Variants in SLC38A3 observed in about 807,000 individuals in gnomAD.
SLC38A3 encodes solute carrier family 38 member 3, also known as sodium-coupled neutral amino acid transporter 3.
SLC38A3 carries 17 observed loss-of-function variants against 59.5 expected under a neutral mutation model. That is an observed-to-expected ratio of 0.29 (90% confidence interval 0.20 to 0.43). SLC38A3 has a LOEUF of 0.43. Ranked by LOEUF, SLC38A3 falls within the 20% of genes least tolerant of loss-of-function variation. The probability of loss-of-function intolerance (pLI) is 1.00; values close to 1 mark genes in which losing one functional copy is unlikely to be tolerated. For synonymous variants in SLC38A3, 238 were observed against 260.3 expected (o/e 0.91, Z 0.82); for missense variants, 454 against 653.9 (o/e 0.69, Z 3.33).
At chr3:50,206,070 C>T (rs1405514345) in intron 1 of SLC38A3, among the ~76,000 whole-genome samples, 6 of 152,250 alleles carry the variant, frequency 3.9e-5, no homozygotes, top group African/African-American at 1.4e-4. Flanking sequence ...GCGCAGCGCA[C>T]GGCGGAGAGA....
chr3:50,218,111 G>C lies in SLC38A3; in HGVS notation c.935+115G>C. 8.7e-7 allele frequency: 1 copy of C among 1,151,902 alleles called. No homozygotes were observed. The highest frequency in any genetic ancestry group is 1.3e-6 in the Non-Finnish European group (1 of 778,042). The allele number at this position is 1,151,902 out of a possible 1,614,324, so 71.4% of individuals were successfully genotyped here. A position where few individuals can be genotyped will look rare whatever the true frequency, so the allele number is the denominator to read the frequency against. ...ACAGGAGCCAAGTCACTTTATCTGAGATGTCCTTGGCAGCCATGAGAGGTG... is the reference window on the plus strand; with the variant it reads ...ACAGGAGCCAAGTCACTTTATCTGACATGTCCTTGGCAGCCATGAGAGGTG... On this transcript the variant is annotated intron_variant, in intron 11 of 15. Transcript: ENST00000614032. This position sits in a 1 kb window ranked among gnomAD's most constrained non-coding sequence, Gnocchi z 5.8.
chr3:50,217,390 T>C lies in SLC38A3; in HGVS notation c.632-25T>C. On this transcript the variant is annotated intron_variant, in intron 8 of 15. Transcript: ENST00000614032. This position sits in a 1 kb window ranked among gnomAD's most constrained non-coding sequence, Gnocchi z 4.9. ...TACACCATGGGAGGGGCCCCAGGTCTCAGAGTGCTCCCTCCACTTTGCAGG... is the reference window on the plus strand; with the variant it reads ...TACACCATGGGAGGGGCCCCAGGTCCCAGAGTGCTCCCTCCACTTTGCAGG... 1 of 1,612,540 alleles carries C rather than the reference T, an allele frequency of 6.2e-7. No individual in the cohort carries two copies. Among genetic ancestry groups the C allele is most frequent in the Non-Finnish European group, 8.5e-7 (1 of 1,179,232 alleles).
In SLC38A3 at chr3:50,219,961, G is replaced by C; in HGVS notation, c.1387G>C (p.Ala463Pro). 1.2e-6 allele frequency: 2 copies of C among 1,612,630 alleles called. No individual in the cohort carries two copies. Among genetic ancestry groups the C allele is most frequent in the Non-Finnish European group, 1.7e-6 (2 of 1,179,356 alleles). Residue 463 changes from alanine (A) to proline (P), a missense_variant, in exon 15 of 16, where the codon GCA becomes CCA. Around this residue, in one of 3 missense-constraint regions of SLC38A3, gnomAD observed 59 missense variants for 70.8 expected, o/e 0.83. Transcript: ENST00000614032. ...FRIMPTEKEP[A>P]RSTPKILALC... ...AATCATGCCCACGGAGAAGGAGCCT[G>C]CAAGATCCACCCCCAAAATCCTGGT... is the stretch of plus-strand genomic sequence containing the variant.
intron 1 of SLC38A3, chr3:50,207,418 A>G (rs1173156090): frequency 6.6e-6 from 1 of 152,162 alleles, no homozygotes; most frequent in Non-Finnish European, 1.5e-5. Flanking sequence ...AGGCCCAAGC[A>G]ATTCTCCCAC....
rs1300068458 is a variant in SLC38A3 at position 50,220,305 on chromosome 3, C to A, written c.*128C>A. ...ATTAACACTGTGGCATTCAGCCAGG[C>A]CCCATGTCCTCTCTGTGGAAGGTTT... On this transcript the variant is annotated 3_prime_UTR_variant, in exon 16 of 16. Transcript: ENST00000614032. 1 of 723,970 alleles carries A rather than the reference C, an allele frequency of 1.4e-6. No individual in the cohort carries two copies. The highest frequency in any genetic ancestry group is 2.3e-6 in the Non-Finnish European group (1 of 428,420). 44.8% of individuals were successfully genotyped at this position (723,970 alleles called of 1,614,324 possible).
rs746330651 is a variant in SLC38A3, at chr3:50,217,013, TCCAC to T, written c.549-219_549-216del. Among the ~76,000 whole-genome samples the T allele has an allele frequency of 7.2e-5, 11 of 152,126 alleles. No individual in the cohort carries two copies. The highest frequency in any genetic ancestry group is 1.6e-4 in the Non-Finnish European group (11 of 68,022). The stretch of plus-strand genomic sequence containing the variant: ...TGGTCTCGAACTCCTGACCTGATGA[TCCAC>T]CCACCTCAGCCTCCCAAAGTGCTGG... On this transcript the variant is annotated intron_variant, in intron 7 of 15. Coordinates refer to ENST00000614032, the MANE Select transcript of SLC38A3 (RefSeq NM_006841.6). This position sits in a 1 kb window ranked among gnomAD's most constrained non-coding sequence, Gnocchi z 4.9.
chr3:50,217,952 C>A lies in SLC38A3; in HGVS notation c.891C>A (p.Phe297Leu). The change falls in exon 11 of 16, where the codon TTC becomes TTA. Residue 297 changes from phenylalanine (F) to leucine (L), a missense_variant. Coordinates refer to ENST00000614032, the MANE Select transcript of SLC38A3 (RefSeq NM_006841.6). The surrounding 1 kb of genome is among the most constrained non-coding windows in gnomAD (Gnocchi z 4.9). ...CCATCCCCATCATGGCCTTCGCCTT[C>A]GTCTGCCACCCCGAGGTGCTGCCCA... ...AYTIPIMAFA[F>L]VCHPEVLPIY... The A allele has an allele frequency of 3.7e-6, 6 of 1,614,010 alleles. No individual in the cohort carries two copies. The highest frequency in any genetic ancestry group is 5.1e-6 in the Non-Finnish European group (6 of 1,179,888).
chr3:50,209,763 A>T (rs956100094), intron 1 of SLC38A3, among the ~76,000 whole-genome samples: 18 of 152,270 alleles, frequency 1.2e-4, no homozygotes, highest in African/African-American at 4.3e-4. Context: ...CCCAGAACAC[A>T]GAGCCACAGA....
chr3:50,215,159 C>T lies in SLC38A3; in HGVS notation c.300-227C>T. On this transcript the variant is annotated intron_variant, in intron 4 of 15. Coordinates refer to ENST00000614032, the MANE Select transcript of SLC38A3 (RefSeq NM_006841.6). The surrounding 1 kb of genome is among the most constrained non-coding windows in gnomAD (Gnocchi z 7.1). ...CGTGCTCAGAGGGCAGTCACAGGGA[C>T]ACTCTTGACCCAGAGGGCCCCTTCT... The T allele has an allele frequency of 1.0e-5, 6 of 586,478 alleles. No homozygotes were observed. The highest frequency in any genetic ancestry group is 1.5e-5 in the Non-Finnish European group (5 of 328,676). 36.3% of individuals were successfully genotyped at this position (586,478 alleles called of 1,614,324 possible). A position where few individuals can be genotyped will look rare whatever the true frequency, so the allele number is the denominator to read the frequency against.
rs1699788695 is a variant in SLC38A3 at position 50,214,589 on chromosome 3, G to T, written c.184-64G>T. 2 of 1,470,068 alleles carry T rather than the reference G, an allele frequency of 1.4e-6. No individual in the cohort carries two copies. Among genetic ancestry groups the T allele is most frequent in the Non-Finnish European group, 1.9e-6 (2 of 1,068,386 alleles). 91.1% of individuals were successfully genotyped at this position (1,470,068 alleles called of 1,614,324 possible). On this transcript the variant is annotated intron_variant, in intron 3 of 15. Transcript: ENST00000614032. The surrounding 1 kb of genome is among the most constrained non-coding windows in gnomAD (Gnocchi z 6.0). ...GAGGCTGAGGGACAGTCAGGGGAAG[G>T]CTGCGATGCCCCTGTCCCTTGCTGA... is the stretch of plus-strand genomic sequence containing the variant.
Position 50,217,824 on chromosome 3 carries a change from T to G in SLC38A3, c.839T>G (p.Phe280Cys). The change falls in exon 10 of 16, where the codon TTC becomes TGC. Residue 280 changes from phenylalanine (F) to cysteine (C), a missense_variant. Phe to Cys is a radical substitution (Grantham distance 205). Coordinates refer to ENST00000614032, the MANE Select transcript of SLC38A3 (RefSeq NM_006841.6). This position sits in a 1 kb window ranked among gnomAD's most constrained non-coding sequence, Gnocchi z 4.9. ...EASAFCTPSY[F>C]TLNSQTAYTI... ...TCAGCCTTCTGCACTCCCAGCTACT[T>G]CACGCTCAACTCACAGGTTCTGACA... 6.2e-7 allele frequency: 1 copy of G among 1,614,040 alleles called. No individual in the cohort carries two copies. The highest frequency in any genetic ancestry group is 1.1e-5 in the South Asian group (1 of 91,078).
intron 7 of SLC38A3, among the ~76,000 whole-genome samples, chr3:50,216,342 G>A (rs1206080069): frequency 6.6e-6 from 1 of 152,246 alleles, no homozygotes; most frequent in African/African-American, 2.4e-5. Flanking sequence ...CCGGCAAGAG[G>A]GAGAGCCAGG....
Position 50,215,493 on chromosome 3 carries a change from C to T in SLC38A3, c.373+34C>T. On this transcript the variant is annotated intron_variant, in intron 5 of 15. Coordinates refer to ENST00000614032, the MANE Select transcript of SLC38A3 (RefSeq NM_006841.6). The surrounding 1 kb of genome is among the most constrained non-coding windows in gnomAD (Gnocchi z 7.1). The stretch of plus-strand genomic sequence containing the variant: ...CACACCAGCCTGGAATGGGCGGGAG[C>T]TGGTGGGTAAACTGGGACAAGCTCC... 1.2e-6 allele frequency: 2 copies of T among 1,613,476 alleles called. No individual in the cohort carries two copies. Among genetic ancestry groups the T allele is most frequent in the Non-Finnish European group, 1.7e-6 (2 of 1,179,396 alleles).
At chr3:50,205,985 G>T (rs1026391493) in intron 1 of SLC38A3, among the ~76,000 whole-genome samples, 5 of 152,236 alleles carry the variant, frequency 3.3e-5, no homozygotes, top group East Asian at 1.9e-4. Context: ...GGCGCGAGTG[G>T]CTCCCTGACC....
intron 1 of SLC38A3, among the ~76,000 whole-genome samples, chr3:50,211,003 A>C (rs556012976): frequency 7.9e-5 from 12 of 152,252 alleles, no homozygotes; most frequent in African/African-American, 2.6e-4. Flanking sequence ...CGGGACCCCT[A>C]GAGGACAGGG....
In SLC38A3 at chr3:50,215,901, T is replaced by TG; in HGVS notation, c.548+87dup. ...GGGGTGGGGTGGGGCTGGGTGAGGG[T>TG]GGGGGGGCCCAGGCTGGGCTGGTGG... On this transcript the variant is annotated intron_variant, in intron 7 of 15. Transcript: ENST00000614032. This position sits in a 1 kb window ranked among gnomAD's most constrained non-coding sequence, Gnocchi z 7.1. 1.1e-5 allele frequency: 1 copy of TG among 89,470 alleles called. No homozygotes were observed. Among genetic ancestry groups the TG allele is most frequent in the Non-Finnish European group, 2.4e-5 (1 of 42,430 alleles). 5.5% of individuals were successfully genotyped at this position (89,470 alleles called of 1,614,324 possible). A position where few individuals can be genotyped will look rare whatever the true frequency, so the allele number is the denominator to read the frequency against.
intron 1 of SLC38A3, among the ~76,000 whole-genome samples, chr3:50,210,828 G>A (rs1389029063): frequency 6.6e-6 from 1 of 152,068 alleles, no homozygotes; most frequent in African/African-American, 2.4e-5. Flanking sequence ...TTTACTGCCC[G>A]GGTTCACACT....
chr3:50,215,564 C>A lies in SLC38A3; in HGVS notation c.394C>A (p.Leu132Met). 6.2e-7 allele frequency: 1 copy of A among 1,613,884 alleles called. No individual in the cohort carries two copies. The highest frequency in any genetic ancestry group is 1.1e-5 in the South Asian group (1 of 91,060). ...GVVGIRAYEQ[L>M]GYRAFGTPGK... Reference sequence around the variant, plus strand: ...TGCAGGCATCCGTGCCTATGAGCAGCTGGGCTACCGTGCCTTTGGGACCCC... The same window carrying A: ...TGCAGGCATCCGTGCCTATGAGCAGATGGGCTACCGTGCCTTTGGGACCCC... The change falls in exon 6 of 16, where the codon CTG becomes ATG. Residue 132 changes from leucine (L) to methionine (M), a missense_variant. Coordinates refer to ENST00000614032, the MANE Select transcript of SLC38A3 (RefSeq NM_006841.6). The surrounding 1 kb of genome is among the most constrained non-coding windows in gnomAD (Gnocchi z 7.1).
In SLC38A3 at chr3:50,217,979, C is replaced by T; in HGVS notation, c.918C>T (p.Ile306=). The T allele has an allele frequency of 6.2e-7, 1 of 1,614,002 alleles. No homozygotes were observed. The highest frequency in any genetic ancestry group is 8.5e-7 in the Non-Finnish European group (1 of 1,179,890). ...AFVCHPEVLP[I]YTELKDPSKK... is the part of the protein sequence containing the mutation. ...TCTGCCACCCCGAGGTGCTGCCCATCTATACTGAGCTCAAGGAGTAGGTGT... is the reference window on the plus strand; with the variant it reads ...TCTGCCACCCCGAGGTGCTGCCCATTTATACTGAGCTCAAGGAGTAGGTGT... The change falls in exon 11 of 16, where the codon ATC becomes ATT. Residue 306 remains isoleucine (I), a synonymous_variant. Coordinates refer to ENST00000614032, the MANE Select transcript of SLC38A3 (RefSeq NM_006841.6). This position sits in a 1 kb window ranked among gnomAD's most constrained non-coding sequence, Gnocchi z 4.9.
Sources: allele counts gnomAD v4.1 joint callset (sites outside exome capture counted in the v4.1 genomes callset), GRCh38; gene constraint gnomAD v4.1.1; regional missense constraint gnomAD v4.1.1; non-coding constraint Gnocchi (gnomAD v3.1); transcripts MANE v1.5; gene names NCBI Gene and HGNC (gene_info 2026-07-23, HGNC 2026-07-21).